Variants in PIEZO2 observed in about 807,000 individuals in gnomAD.
The protein encoded by PIEZO2 is piezo-type mechanosensitive ion channel component 2.
Under a neutral mutation model 337.3 loss-of-function variants are expected in PIEZO2, and 172 were observed. That is an observed-to-expected ratio of 0.51 (90% CI 0.45 to 0.58). The LOEUF is 0.58. PIEZO2 is among the 20% of genes least tolerant of loss of function. The pLI is 0.00. For synonymous variants in PIEZO2, 1,251 were observed against 1,228.5 expected (o/e 1.02, Z -0.38); for missense variants, 3,028 against 3,391.3 (o/e 0.89, Z 2.66).
chr18:10,731,710 T>C (rs181701420), intron 35 of PIEZO2, among the ~76,000 whole-genome samples, 189 bp from the exon 36 acceptor site: 1 of 152,158 alleles, frequency 6.6e-6, no homozygotes, highest in Non-Finnish European at 1.5e-5. Flanking sequence ...TAGTAATATA[T>C]TTCATCTGGT....
At chr18:10,959,474 C>T (rs552282372) in intron 3 of PIEZO2, among the ~76,000 whole-genome samples, 7 of 152,210 alleles carry the variant, frequency 4.6e-5, no homozygotes, top group Admixed American at 3.9e-4. Flanking sequence ...GTAGACAATC[C>T]ACTGTAAAGG....
intron 3 of PIEZO2, among the ~76,000 whole-genome samples, chr18:10,957,729 A>C (rs264187): frequency 0.48 from 73,629 of 152,028 alleles, 17,997 homozygotes; most frequent in Non-Finnish European, 0.51. Flanking sequence ...GAGAAAAGAC[A>C]ACCCATGCAT....
At position 11,018,320 on chromosome 18, in the gene PIEZO2, A is replaced by G. The variant is rs376075282; in HGVS notation, c.161-38660T>C. On this transcript the variant is annotated intron_variant, in intron 2 of 55. Transcript: ENST00000674853. ...TTTTCTTAACTTGATTGCACCTGCA[A>G]AGACCATATTTCCAAATAAGGTCAC... 1.1e-4 allele frequency among the ~76,000 whole-genome samples: 16 copies of G among 148,020 alleles called. No individual in the cohort carries two copies. In the South Asian group the frequency reaches 2.6e-3, roughly 24 times the overall value.
At chr18:10,756,028 G>A (rs1271398499) in intron 27 of PIEZO2, among the ~76,000 whole-genome samples, 1 of 142,476 alleles carries the variant, frequency 7.0e-6, no homozygotes, top group Non-Finnish European at 1.5e-5. Context: ...GAGGGATGGG[G>A]ATAAGGAGGA....
At chr18:10,752,477 CAG>C (rs1328691187) in intron 28 of PIEZO2, among the ~76,000 whole-genome samples, 157 bp downstream of exon 28, 1 of 152,178 alleles carries the variant, frequency 6.6e-6, no homozygotes, top group Non-Finnish European at 1.5e-5. Context: ...CGTGGCAAGA[CAG>C]AGAGAAATAA....
In PIEZO2 at chr18:11,083,896, G is replaced by A. The variant is rs888813663; in HGVS notation, c.65-17674C>T. The stretch of plus-strand genomic sequence containing the variant: ...CAATTCAATTAAGAGAAAGGAGAGG[G>A]CCGGGAGTGGGGGCTCATGCCTGTT... On this transcript the variant is annotated intron_variant, in intron 1 of 55. Transcript: ENST00000674853. This position sits in a 1 kb window ranked among gnomAD's most constrained non-coding sequence, Gnocchi z 4.4. 6.6e-6 allele frequency among the ~76,000 whole-genome samples: 1 copy of A among 152,026 alleles called. No homozygotes were observed. The highest frequency in any genetic ancestry group is 2.4e-5 in the African/African-American group (1 of 41,406).
rs1160950045 is a variant in PIEZO2, at chr18:10,942,373, G to A, written c.287-31145C>T. On this transcript the variant is annotated intron_variant, in intron 3 of 55. Transcript: ENST00000674853. This position sits in a 1 kb window ranked among gnomAD's most constrained non-coding sequence, Gnocchi z 4.4. ...TTAACCAAAATGCTGATAATGATAT[G>A]AGCAATGAAATCCAGGCTGAGGTGG... 6.6e-6 allele frequency among the ~76,000 whole-genome samples: 1 copy of A among 152,166 alleles called. No individual in the cohort carries two copies. Among genetic ancestry groups the A allele is most frequent in the Non-Finnish European group, 1.5e-5 (1 of 68,040 alleles).
At chr18:10,964,124 T>A (rs1321814478) in intron 3 of PIEZO2, among the ~76,000 whole-genome samples, 2 of 152,236 alleles carry the variant, frequency 1.3e-5, no homozygotes, top group East Asian at 1.9e-4. Flanking sequence ...GGGAAAAAAA[T>A]CCACTTTTCA....
chr18:10,762,881 T>TA, intron 22 of PIEZO2, 41 bp downstream of exon 22: 1 of 1,523,990 alleles, frequency 6.6e-7, no homozygotes. Context: ...CTTGCTTTGC[T>TA]AAAGGGCAGT....
rs1156261510 is a variant in PIEZO2 at position 10,877,970 on chromosome 18, G to A, written c.330-6555C>T. Among the ~76,000 whole-genome samples, 1 of 151,986 alleles carries A rather than the reference G, an allele frequency of 6.6e-6. No homozygotes were observed. The highest frequency in any genetic ancestry group is 1.5e-5 in the Non-Finnish European group (1 of 68,012). On this transcript the variant is annotated intron_variant, in intron 4 of 55. Transcript: ENST00000674853. The surrounding 1 kb of genome is among the most constrained non-coding windows in gnomAD (Gnocchi z 5.3). Reference sequence around the variant, plus strand: ...AGCAAGTGTGCAGTCTTCTCCCTTGGCCAACTTCTCCCAGTATGCTTCAGG... The same window carrying A: ...AGCAAGTGTGCAGTCTTCTCCCTTGACCAACTTCTCCCAGTATGCTTCAGG...
rs574711149 is a variant in PIEZO2, at chr18:11,009,296, T to A, written c.161-29636A>T. ...AAGCCCTGATGTGCATTGAAGCCCC[T>A]TGGGAATCTTTAAGAATAGGATGGA... On this transcript the variant is annotated intron_variant, in intron 2 of 55. Coordinates refer to ENST00000674853, the MANE Select transcript of PIEZO2 (RefSeq NM_001378183.1). The surrounding 1 kb of genome is among the most constrained non-coding windows in gnomAD (Gnocchi z 4.6). Among the ~76,000 whole-genome samples, 5 of 152,322 alleles carry A rather than the reference T, an allele frequency of 3.3e-5. No homozygotes were observed. The highest frequency in any genetic ancestry group is 3.3e-4 in the Admixed American group (5 of 15,300).
chr18:10,989,418 T>C (rs1280048867), intron 2 of PIEZO2, among the ~76,000 whole-genome samples: 3 of 151,468 alleles, frequency 2.0e-5, no homozygotes, highest in Admixed American at 1.3e-4. Flanking sequence ...CAGATGAAAA[T>C]ATGAAATAAT....
At chr18:10,761,351 T>A (rs1157928030) in intron 23 of PIEZO2, among the ~76,000 whole-genome samples, 1 of 152,234 alleles carries the variant, frequency 6.6e-6, no homozygotes, top group Non-Finnish European at 1.5e-5. Context: ...AAGATGCTGC[T>A]GCTCATTCCT....
chr18:10,802,085 C>CAAAAAAAAAA (rs58924448), intron 9 of PIEZO2, among the ~76,000 whole-genome samples: 5 of 96,588 alleles, frequency 5.2e-5, no homozygotes, highest in South Asian at 3.5e-4. Flanking sequence ...GACTCCGTCT[C>CAAAAAAAAAA]AAAAAAAAAA....
At chr18:10,684,155 C>CTTTTTTTTTTTTTTTT (rs71169941) in intron 49 of PIEZO2, among the ~76,000 whole-genome samples, 1 of 61,396 alleles carries the variant, frequency 1.6e-5, no homozygotes, top group African/African-American at 6.6e-5. Flanking sequence ...TGTCTTTCCT[C>CTTTTTTTTTTTTTTTT]TTTTTTTTTT....
rs1568366762 is a variant in PIEZO2 at position 11,092,338 on chromosome 18, C to T, written c.65-26116G>A. 1.3e-5 allele frequency among the ~76,000 whole-genome samples: 2 copies of T among 152,074 alleles called. No homozygotes were observed. The highest frequency in any genetic ancestry group is 4.8e-5 in the African/African-American group (2 of 41,424). The stretch of plus-strand genomic sequence containing the variant: ...GAGTATTTGCCAAGAGATTGTTAAA[C>T]ATAATAAATACAGAAAACTAAAAAT... On this transcript the variant is annotated intron_variant, in intron 1 of 55. Transcript: ENST00000674853. This position sits in a 1 kb window ranked among gnomAD's most constrained non-coding sequence, Gnocchi z 4.5.
At chr18:10,739,356 A>G (rs1335232007) in intron 33 of PIEZO2, 13 of 152,228 alleles carry the variant, frequency 8.5e-5, no homozygotes, top group Non-Finnish European at 2.9e-5. Context: ...CAGAAAATCT[A>G]AAGTCAACAA....
At position 10,726,648 on chromosome 18, in the gene PIEZO2, G is replaced by T; in HGVS notation, c.5029+4759C>A. The T allele has an allele frequency of 7.1e-7, 1 of 1,413,324 alleles. No homozygotes were observed. The highest frequency in any genetic ancestry group is 2.4e-5 in the East Asian group (1 of 41,570). The allele number at this position is 1,413,324 out of a possible 1,614,324, so 87.5% of individuals were successfully genotyped here. A position where few individuals can be genotyped will look rare whatever the true frequency, so the allele number is the denominator to read the frequency against. ...GCTGGGAGTACTGCGCGCGCGCCAA[G>T]CGCGGCCAGACAGACACCTCGCTGC... is the stretch of plus-strand genomic sequence containing the variant. On this transcript the variant is annotated intron_variant, in intron 36 of 55. Transcript: ENST00000674853. This position sits in a 1 kb window ranked among gnomAD's most constrained non-coding sequence, Gnocchi z 5.9.
At chr18:10,704,288 T>C (rs753073081) in intron 42 of PIEZO2, 106 bp downstream of exon 42, 6 of 1,386,578 alleles carry the variant, frequency 4.3e-6, no homozygotes, top group Non-Finnish European at 5.7e-6. Flanking sequence ...TGAAACTGTC[T>C]GGGATCAGGG....
Sources: allele counts gnomAD v4.1 joint callset (sites outside exome capture counted in the v4.1 genomes callset), GRCh38; gene constraint gnomAD v4.1.1; non-coding constraint Gnocchi (gnomAD v3.1); transcripts MANE v1.5; gene names NCBI Gene and HGNC (gene_info 2026-07-23, HGNC 2026-07-21).